CNKSR3: variants seen among roughly 807,000 people sequenced by gnomAD.
CNKSR3 encodes the protein connector enhancer of kinase suppressor of ras 3.
Under a neutral mutation model 67.7 loss-of-function variants are expected in CNKSR3, and 36 were observed. That is an observed-to-expected ratio of 0.53 (90% CI 0.41 to 0.70). CNKSR3 has a LOEUF of 0.70. Ranked by LOEUF, CNKSR3 falls within the 30% of genes least tolerant of loss-of-function variation. CNKSR3 has a pLI of 0.00. For synonymous variants in CNKSR3, 281 were observed against 271.4 expected (o/e 1.04, Z -0.35); for missense variants, 630 against 695.2 (o/e 0.91, Z 1.05).
chr6:154,492,913 C>T (rs1035803111), intron 1 of CNKSR3, among the ~76,000 whole-genome samples: 3 of 152,146 alleles, frequency 2.0e-5, no homozygotes, highest in Admixed American at 6.6e-5. Context: ...TCCTACTGGC[C>T]TTTCAGAATA....
chr6:154,466,386 C>T (rs1012702156), intron 1 of CNKSR3, among the ~76,000 whole-genome samples: 8 of 152,124 alleles, frequency 5.3e-5, no homozygotes, highest in Non-Finnish European at 7.3e-5. Flanking sequence ...ACAAAGGAAG[C>T]GCCTGCCCCA....
In CNKSR3 at chr6:154,459,126, AAGAG is replaced by A. The variant is rs10571791; in HGVS notation, c.53-8872_53-8869del. ...GAGAGAAAGAAAGAAAGAGAAGAAA[AAGAG>A]AGAGAAAGAAAGAAAGAAAGAAAGG... On this transcript the variant is annotated intron_variant, in intron 1 of 12. Coordinates refer to ENST00000607772, the MANE Select transcript of CNKSR3 (RefSeq NM_173515.4). 6.2e-3 allele frequency among the ~76,000 whole-genome samples: 938 copies of A among 151,034 alleles called. 38 individuals are homozygous for A. The highest frequency in any genetic ancestry group is 0.055 in the Admixed American group (843 of 15,198).
chr6:154,479,092 T>G, intron 1 of CNKSR3, among the ~76,000 whole-genome samples: 1 of 151,862 alleles, frequency 6.6e-6, no homozygotes, highest in East Asian at 1.9e-4. Context: ...ACTCTGAGCT[T>G]TAAAAACACA....
chr6:154,429,630 G>C (rs1006658716), intron 6 of CNKSR3, among the ~76,000 whole-genome samples: 1 of 152,074 alleles, frequency 6.6e-6, no homozygotes, highest in African/African-American at 2.4e-5. Flanking sequence ...GTCAACAATT[G>C]GTTGATTTTT....
At chr6:154,419,966 G>T (rs1435580592) in intron 9 of CNKSR3, among the ~76,000 whole-genome samples, 1 of 152,042 alleles carries the variant, frequency 6.6e-6, no homozygotes, top group East Asian at 1.9e-4. Context: ...TGTAATTTCA[G>T]CTACTCAGAG....
rs530071054 is a variant in CNKSR3 at position 154,430,392 on chromosome 6, G to T, written c.669+80C>A. The T allele has an allele frequency of 1.1e-3, 1,394 of 1,306,542 alleles. 4 individuals carry two copies. The highest frequency in any genetic ancestry group is 7.5e-4 in the Non-Finnish European group (709 of 950,796). The allele number at this position is 1,306,542 out of a possible 1,614,324, so 80.9% of individuals were successfully genotyped here. A position where few individuals can be genotyped will look rare whatever the true frequency, so the allele number is the denominator to read the frequency against. On this transcript the variant is annotated intron_variant, in intron 6 of 12. Coordinates refer to ENST00000607772, the MANE Select transcript of CNKSR3 (RefSeq NM_173515.4). ...TCTGCTTTTCAGAATTATAGTGAAA[G>T]CAATAAGGAATTTTTTTAAAAATTT...
chr6:154,415,489 C>T (rs1562321458), intron 9 of CNKSR3, among the ~76,000 whole-genome samples: 1 of 152,104 alleles, frequency 6.6e-6, no homozygotes, highest in African/African-American at 2.4e-5. Context: ...CCTCAGCCTC[C>T]CAAAGTGCTG....
intron 1 of CNKSR3, among the ~76,000 whole-genome samples, chr6:154,507,638 G>A (rs180958029): frequency 9.9e-5 from 15 of 152,152 alleles, no homozygotes; most frequent in Admixed American, 8.5e-4. Flanking sequence ...TTTTAGATTC[G>A]AACACAGAAC....
intron 2 of CNKSR3, among the ~76,000 whole-genome samples, chr6:154,444,250 T>C (rs1433746295): frequency 6.6e-6 from 1 of 152,214 alleles, no homozygotes; most frequent in Middle Eastern, 3.2e-3. Flanking sequence ...GTGTTTGACA[T>C]GTATTATCTC....
intron 1 of CNKSR3, among the ~76,000 whole-genome samples, chr6:154,451,915 C>T (rs1180619564): frequency 4.6e-5 from 7 of 152,128 alleles, no homozygotes; most frequent in Non-Finnish European, 7.3e-5. Flanking sequence ...AACCCAGCTC[C>T]GCTCTGACAG....
At chr6:154,484,349 G>C (rs1323527860) in intron 1 of CNKSR3, among the ~76,000 whole-genome samples, 1 of 152,126 alleles carries the variant, frequency 6.6e-6, no homozygotes, top group African/African-American at 2.4e-5. Flanking sequence ...CTGTCATCCA[G>C]TTCACCAACG....
intron 1 of CNKSR3, among the ~76,000 whole-genome samples, chr6:154,475,183 A>G (rs893857848): frequency 6.6e-6 from 1 of 152,062 alleles, no homozygotes; most frequent in African/African-American, 2.4e-5. Context: ...GGCCCATCCG[A>G]CTCCAGAACC....
chr6:154,497,645 T>C lies in CNKSR3; in HGVS notation c.52+12418A>G, dbSNP rs150289508. On this transcript the variant is annotated intron_variant, in intron 1 of 12. Transcript: ENST00000607772. ...TTATCAAAATGTCATTCACAATAAA[T>C]ATGTATGGTATGTTTATCTGTATAT... Among the ~76,000 whole-genome samples, 1,231 of 152,290 alleles carry C rather than the reference T, an allele frequency of 8.1e-3. 5 individuals are homozygous for C. The highest frequency in any genetic ancestry group is 0.016 in the Admixed American group (241 of 15,288).
At chr6:154,433,207 G>A (rs2128716054) in intron 5 of CNKSR3, among the ~76,000 whole-genome samples, 1 of 152,082 alleles carries the variant, frequency 6.6e-6, no homozygotes, top group African/African-American at 2.4e-5. Context: ...ACATATAACT[G>A]TATCCTGATA....
intron 2 of CNKSR3, among the ~76,000 whole-genome samples, chr6:154,444,069 C>T (rs1785658230): frequency 6.6e-6 from 1 of 152,092 alleles, no homozygotes; most frequent in Non-Finnish European, 1.5e-5. Context: ...ATTCAGTTGC[C>T]TCTGTATGTC....
At chr6:154,442,661 ACT>A (rs1785624330) in intron 2 of CNKSR3, among the ~76,000 whole-genome samples, 1 of 151,276 alleles carries the variant, frequency 6.6e-6, no homozygotes, top group Non-Finnish European at 1.5e-5. Flanking sequence ...CAATATTCAA[ACT>A]CTCTGATAAC....
At chr6:154,484,314 C>T (rs749069057) in intron 1 of CNKSR3, among the ~76,000 whole-genome samples, 3 of 152,136 alleles carry the variant, frequency 2.0e-5, no homozygotes, top group Non-Finnish European at 4.4e-5. Context: ...AGTCAAGAAA[C>T]ATCTTAATAT....
chr6:154,418,413 T>C (rs527700455), intron 9 of CNKSR3, among the ~76,000 whole-genome samples: 1 of 152,352 alleles, frequency 6.6e-6, no homozygotes, highest in African/African-American at 2.4e-5. Context: ...GATGGTGGTC[T>C]ATCTATGTTT....
Position 154,387,984 on chromosome 6 carries a change from A to G in CNKSR3, c.*18370T>C, listed in dbSNP as rs1784567070. 6.6e-6 allele frequency: 1 copy of G among 150,752 alleles called. No homozygotes were observed. The highest frequency in any genetic ancestry group is 1.5e-5 in the Non-Finnish European group (1 of 67,854). The allele number at this position is 150,752 out of a possible 1,614,324, so 9.3% of individuals were successfully genotyped here. A position where few individuals can be genotyped will look rare whatever the true frequency, so the allele number is the denominator to read the frequency against. ...AAGGAGTTTCCAGAATTAAAATCCAATTGCTTTTCTGTTCTATTTTCTTTC... is the reference window on the plus strand; with the variant it reads ...AAGGAGTTTCCAGAATTAAAATCCAGTTGCTTTTCTGTTCTATTTTCTTTC... On this transcript the variant is annotated 3_prime_UTR_variant, in exon 13 of 13. Coordinates refer to ENST00000607772, the MANE Select transcript of CNKSR3 (RefSeq NM_173515.4).
Sources: gnomAD v4.1 joint callset for allele counts (sites outside exome capture counted in the v4.1 genomes callset) on GRCh38, gnomAD v4.1.1 for gene constraint, MANE v1.5 for transcripts, NCBI Gene and HGNC (gene_info 2026-07-23, HGNC 2026-07-21) for gene names.